The following ZNF568 variants were observed in gnomAD, a reference collection of about 807,000 sequenced individuals.
ZNF568 encodes zinc finger protein 568.
A neutral mutation model predicts 18.1 loss-of-function variants in ZNF568; 11 were observed. That is an observed-to-expected ratio of 0.61 (90% CI 0.38 to 1.00). The LOEUF (loss-of-function observed/expected upper bound fraction) is 1.00, where lower values mean the gene tolerates loss of function less well. Ranked by LOEUF, ZNF568 falls within the 50% of genes least tolerant of loss-of-function variation. The probability of loss-of-function intolerance (pLI) is 0.01; values close to 1 mark genes in which losing one functional copy is unlikely to be tolerated. For synonymous variants in ZNF568, 213 were observed against 246.6 expected (o/e 0.86, Z 1.28); for missense variants, 639 against 768.2 (o/e 0.83, Z 1.99).
chr19:36,974,087 G>A (rs2074260449), intron 6 of ZNF568, among the ~76,000 whole-genome samples: 3 of 152,158 alleles, frequency 2.0e-5, no homozygotes, highest in African/African-American at 7.2e-5. Context: ...CAGCCTAAAG[G>A]ACAGCAGTTT....
intron 2 of ZNF568, chr19:36,991,082 T>G: frequency 7.5e-7 from 1 of 1,339,056 alleles, no homozygotes; most frequent in Non-Finnish European, 1.0e-6. Flanking sequence ...CTAATGGAAC[T>G]TCCCTATTGA....
intron 6 of ZNF568, among the ~76,000 whole-genome samples, chr19:36,941,599 T>C (rs531519542): frequency 6.6e-6 from 1 of 152,336 alleles, no homozygotes; most frequent in East Asian, 1.9e-4. Flanking sequence ...TATGTTTAGA[T>C]AGAAATAAAG....
At chr19:36,952,787 G>T, downstream of ZNF568, 1 of 591,592 alleles carries the variant, frequency 1.7e-6, no homozygotes. Flanking sequence ...CTCACAACAG[G>T]CCAAGGGAAG....
At chr19:36,933,139 G>A (rs2073715716) in intron 4 of ZNF568, among the ~76,000 whole-genome samples, 2 of 108,634 alleles carry the variant, frequency 1.8e-5, no homozygotes, top group African/African-American at 7.1e-5. Flanking sequence ...TATGTATTCT[G>A]AGACCTTTTT....
chr19:36,935,559 CAAAAA>C (rs35289380), intron 4 of ZNF568, among the ~76,000 whole-genome samples: 2 of 127,200 alleles, frequency 1.6e-5, no homozygotes, highest in Non-Finnish European at 1.7e-5. Flanking sequence ...GACTCTGTAT[CAAAAA>C]AAAAAAAAAA....
intron 4 of ZNF568, chr19:36,936,531 A>T (rs2073793143): frequency 2.9e-6 from 1 of 342,180 alleles, no homozygotes; most frequent in Admixed American, 4.2e-5. Context: ...TTTTACCTGG[A>T]GTTCATTGAG....
exon 8 of ZNF568, chr19:36,979,868 C>G (rs1028021679): frequency 6.6e-6 from 1 of 152,166 alleles, no homozygotes; most frequent in Non-Finnish European, 1.5e-5. Context: ...TTCGTATCCT[C>G]ACCAACACTT....
chr19:36,931,424 T>C (rs1355725227), intron 4 of ZNF568: 2 of 152,246 alleles, frequency 1.3e-5, no homozygotes, highest in South Asian at 2.1e-4. Flanking sequence ...ACTTGCTGTG[T>C]TGCCCAGGCT....
chr19:36,924,558 C>CAGT (rs1308414252), intron 3 of ZNF568, among the ~76,000 whole-genome samples: 10 of 350 alleles, frequency 0.029, no homozygotes, highest in East Asian at 0.16. Context: ...AGGCCAGGCG[C>CAGT]GGCGTCACGC....
At chr19:36,941,983 ATTT>A (rs4006373) in intron 6 of ZNF568, among the ~76,000 whole-genome samples, 1 of 138,222 alleles carries the variant, frequency 7.2e-6, no homozygotes, top group African/African-American at 2.7e-5. Flanking sequence ...TGCTCTGTAA[ATTT>A]TTTTTTTTTT....
At chr19:36,933,591 G>A (rs2073725049) in intron 4 of ZNF568, among the ~76,000 whole-genome samples, 1 of 151,892 alleles carries the variant, frequency 6.6e-6, no homozygotes, top group Admixed American at 6.6e-5. Context: ...ATCCTACTTG[G>A]TTATGGTCCA....
chr19:36,974,391 C>A (rs1339573691), intron 6 of ZNF568: 4 of 1,535,420 alleles, frequency 2.6e-6, no homozygotes. Flanking sequence ...AGGATGGCTT[C>A]TTAACGTTTT....
intron 6 of ZNF568, among the ~76,000 whole-genome samples, chr19:36,938,259 A>T (rs2073822673): frequency 6.6e-6 from 1 of 152,178 alleles, no homozygotes. Flanking sequence ...ATTTCACTAT[A>T]ATAATGGGTA....
chr19:36,989,228 G>A (rs1347362251), intron 2 of ZNF568, among the ~76,000 whole-genome samples: 1 of 152,108 alleles, frequency 6.6e-6, no homozygotes, highest in Non-Finnish European at 1.5e-5. Flanking sequence ...TGTTGCCTAG[G>A]CTAGACTACA....
At chr19:36,960,205 C>G (rs1421285544) in intron 6 of ZNF568, among the ~76,000 whole-genome samples, 2 of 147,680 alleles carry the variant, frequency 1.4e-5, no homozygotes, top group African/African-American at 5.0e-5. Context: ...GTAACCTCTG[C>G]CTCCCGGGTT....
chr19:36,925,760 C>T (rs1248075209), intron 4 of ZNF568, among the ~76,000 whole-genome samples: 2 of 151,956 alleles, frequency 1.3e-5, no homozygotes, highest in Non-Finnish European at 2.9e-5. Flanking sequence ...CATAGTGTAA[C>T]AACTATTTAC....
chr19:36,963,659 C>A (rs914891970), intron 6 of ZNF568, among the ~76,000 whole-genome samples: 8 of 151,994 alleles, frequency 5.3e-5, no homozygotes, highest in African/African-American at 1.7e-4. Context: ...TTGGTAATAT[C>A]TTTTCATGCA....
intron 3 of ZNF568, chr19:36,991,664 C>A: frequency 9.5e-7 from 1 of 1,050,444 alleles, no homozygotes; most frequent in Non-Finnish European, 1.3e-6. Flanking sequence ...GACCCTTAAT[C>A]TACCTGCTCC....
In ZNF568 at chr19:36,951,895, G is replaced by T. The variant is rs1000217091; in HGVS notation, c.*807G>T. On this transcript the variant is annotated 3_prime_UTR_variant, in exon 7 of 7. Transcript: ENST00000333987. Reference sequence around the variant, plus strand: ...ATCGCCCTCTTTGGCCTCCCAAAGTGCTGGGGTTTACAGGCTTGAGCCACT... The same window carrying T: ...ATCGCCCTCTTTGGCCTCCCAAAGTTCTGGGGTTTACAGGCTTGAGCCACT... The T allele has an allele frequency of 3.1e-6, 3 of 976,160 alleles. No homozygotes were observed. Among genetic ancestry groups the T allele is most frequent in the Non-Finnish European group, 3.6e-6 (3 of 822,156 alleles). 60.5% of individuals were successfully genotyped at this position (976,160 alleles called of 1,614,324 possible).
Sources: allele counts gnomAD v4.1 joint callset (sites outside exome capture counted in the v4.1 genomes callset), GRCh38; gene constraint gnomAD v4.1.1; transcripts MANE v1.5; gene names NCBI Gene and HGNC (gene_info 2026-07-23, HGNC 2026-07-21).